The following PLEKHM3 variants were observed in gnomAD, a reference collection of about 807,000 sequenced individuals.
PLEKHM3 encodes the protein pleckstrin homology domain containing M3.
PLEKHM3 carries 45 observed loss-of-function variants against 81.8 expected under a neutral mutation model. The ratio of observed to expected loss-of-function variants is 0.55; its 90% CI spans 0.43 to 0.71. The LOEUF (loss-of-function observed/expected upper bound fraction) is 0.71. PLEKHM3 is among the 30% of genes least tolerant of loss of function. The probability of loss-of-function intolerance (pLI) is 0.00; values close to 1 mark genes in which losing one functional copy is unlikely to be tolerated. For synonymous variants in PLEKHM3, 352 were observed against 356.4 expected (o/e 0.99, Z 0.14); for missense variants, 788 against 924.3 (o/e 0.85, Z 1.91).
chr2:207,928,942 G>A (rs1046584468), intron 5 of PLEKHM3, among the ~76,000 whole-genome samples: 4 of 152,184 alleles, frequency 2.6e-5, no homozygotes, highest in Admixed American at 6.5e-5. Flanking sequence ...ATTGCGCTAA[G>A]TGAAAAATAG....
In PLEKHM3 at chr2:207,865,801, A is replaced by AAAAAT; in HGVS notation, c.1951-4540_1951-4539insATTTT. Among the ~76,000 whole-genome samples, 45 of 25,286 alleles carry AAAAAT rather than the reference A, an allele frequency of 1.8e-3. 14 individuals carry two copies. Among genetic ancestry groups the AAAAAT allele is most frequent in the South Asian group, 4.3e-3 (4 of 924 alleles). 16.6% of individuals were successfully genotyped at this position (25,286 alleles called of 152,430 possible). The stretch of plus-strand genomic sequence containing the variant: ...CGACTCAAAAAAAAAAAAAAAAAAA[A>AAAAAT]AGATATATATATATATATATATATA... On this transcript the variant is annotated intron_variant, in intron 6 of 7. Coordinates refer to ENST00000427836, the MANE Select transcript of PLEKHM3 (RefSeq NM_001080475.3).
chr2:207,897,144 G>A (rs764652568), intron 6 of PLEKHM3, among the ~76,000 whole-genome samples: 1 of 152,152 alleles, frequency 6.6e-6, no homozygotes, highest in Non-Finnish European at 1.5e-5. Context: ...AGGAAATGAA[G>A]CTATTCTGCA....
intron 2 of PLEKHM3, among the ~76,000 whole-genome samples, chr2:207,977,897 G>A (rs1691374744): frequency 6.6e-6 from 1 of 152,104 alleles, no homozygotes; most frequent in Non-Finnish European, 1.5e-5. Context: ...GACCAACCTA[G>A]GCAACATAGT....
At chr2:207,878,816 C>G (rs2092571769) in intron 6 of PLEKHM3, among the ~76,000 whole-genome samples, 1 of 152,064 alleles carries the variant, frequency 6.6e-6, no homozygotes, top group African/African-American at 2.4e-5. Flanking sequence ...CTTGCTAGAG[C>G]TGGGTTTTTT....
Position 207,876,913 on chromosome 2 carries a change from G to A in PLEKHM3, c.1951-15651C>T, listed in dbSNP as rs566391169. Among the ~76,000 whole-genome samples the A allele has an allele frequency of 6.2e-4, 94 of 152,210 alleles. 1 individual carries two copies. The highest frequency in any genetic ancestry group is 1.8e-3 in the African/African-American group (75 of 41,518). On this transcript the variant is annotated intron_variant, in intron 6 of 7. Coordinates refer to ENST00000427836, the MANE Select transcript of PLEKHM3 (RefSeq NM_001080475.3). Reference sequence around the variant, plus strand: ...CAGTAAAAGGAGGAGAAACAGTATTGGTATCAGATTTTTTTAGTCCATTCC... The same window carrying A: ...CAGTAAAAGGAGGAGAAACAGTATTAGTATCAGATTTTTTTAGTCCATTCC...
chr2:207,988,007 C>T (rs2106061563), intron 2 of PLEKHM3, among the ~76,000 whole-genome samples: 1 of 152,330 alleles, frequency 6.6e-6, no homozygotes, highest in Admixed American at 6.5e-5. Context: ...GATAGAAATG[C>T]TAACCCCAGC....
intron 7 of PLEKHM3, among the ~76,000 whole-genome samples, chr2:207,849,989 A>G (rs2092403977): frequency 6.6e-6 from 1 of 152,182 alleles, no homozygotes; most frequent in Non-Finnish European, 1.5e-5. Context: ...TGGCACTGGC[A>G]TCTGCTCAGC....
At chr2:207,982,787 C>T (rs1377104465) in intron 2 of PLEKHM3, among the ~76,000 whole-genome samples, 1 of 151,876 alleles carries the variant, frequency 6.6e-6, no homozygotes, top group Non-Finnish European at 1.5e-5. Flanking sequence ...CCATGTTGGC[C>T]AGGCTGGTGT....
rs1395749523 is a variant in PLEKHM3 at position 207,946,467 on chromosome 2, C to T, written c.1592G>A (p.Cys531Tyr). 1 of 1,614,008 alleles carries T rather than the reference C, an allele frequency of 6.2e-7. No homozygotes were observed. Among genetic ancestry groups the T allele is most frequent in the Non-Finnish European group, 8.5e-7 (1 of 1,180,010 alleles). Reference protein sequence around the residue: ...IGLSNGKAKVCNYSGWYYCSS... With the variant: ...IGLSNGKAKVYNYSGWYYCSS... ...GCAGTAATACCACCCACTGTAGTTG[C>T]ACACCTTGGCTTTCCCATTGGAAAG... Residue 531 changes from cysteine to tyrosine, a missense_variant, in exon 4 of 8, where the codon TGC becomes TAC. Coordinates refer to ENST00000427836, the MANE Select transcript of PLEKHM3 (RefSeq NM_001080475.3).
intron 3 of PLEKHM3, among the ~76,000 whole-genome samples, chr2:207,961,305 T>C (rs188871194): frequency 6.6e-6 from 1 of 152,250 alleles, no homozygotes; most frequent in African/African-American, 2.4e-5. Flanking sequence ...ACAAGTCTGC[T>C]GATTTAAAAG....
At chr2:207,917,580 C>G (rs993304965) in intron 5 of PLEKHM3, among the ~76,000 whole-genome samples, 1 of 152,100 alleles carries the variant, frequency 6.6e-6, no homozygotes, top group African/African-American at 2.4e-5. Context: ...GGGTGGCTCA[C>G]GCTTGTAATC....
chr2:207,908,232 G>A (rs1003095269), intron 6 of PLEKHM3, among the ~76,000 whole-genome samples: 2 of 152,092 alleles, frequency 1.3e-5, no homozygotes, highest in Admixed American at 6.6e-5. Context: ...GGGTCATATG[G>A]TAACTCTATG....
At chr2:207,895,157 G>T (rs79556847) in intron 6 of PLEKHM3, among the ~76,000 whole-genome samples, 1,656 of 152,282 alleles carry the variant, frequency 0.011, 29 homozygotes, top group African/African-American at 0.037. Context: ...ATAAACTGTT[G>T]CTGTCATCCT....
At chr2:207,923,548 G>A (rs1047368114) in intron 5 of PLEKHM3, among the ~76,000 whole-genome samples, 117 of 152,006 alleles carry the variant, frequency 7.7e-4, no homozygotes, top group African/African-American at 2.7e-3. Context: ...TGGAGGTTGC[G>A]GTGAGCCGAG....
At chr2:207,868,016 T>C (rs578084810) in intron 6 of PLEKHM3, among the ~76,000 whole-genome samples, 5 of 152,302 alleles carry the variant, frequency 3.3e-5, no homozygotes, top group African/African-American at 1.2e-4. Flanking sequence ...CAAAGTCAAA[T>C]GAGGCATCCT....
intron 2 of PLEKHM3, among the ~76,000 whole-genome samples, chr2:207,987,490 T>C (rs1691766868): frequency 6.6e-6 from 1 of 152,216 alleles, no homozygotes; most frequent in Admixed American, 6.5e-5. Context: ...TTGACTGCTA[T>C]TGACTTCCTG....
intron 7 of PLEKHM3, among the ~76,000 whole-genome samples, chr2:207,856,600 A>G (rs2092438812): frequency 6.6e-6 from 1 of 152,160 alleles, no homozygotes; most frequent in African/African-American, 2.4e-5. Flanking sequence ...CTCACTTGTG[A>G]TACACGTTTA....
chr2:207,971,200 G>GT (rs1330191860), intron 3 of PLEKHM3, among the ~76,000 whole-genome samples: 1 of 152,152 alleles, frequency 6.6e-6, no homozygotes, highest in Non-Finnish European at 1.5e-5. Flanking sequence ...CAATTGCAAG[G>GT]TTTCTTGATT....
intron 4 of PLEKHM3, among the ~76,000 whole-genome samples, chr2:207,932,938 G>C (rs1182821749): frequency 6.6e-6 from 1 of 152,088 alleles, no homozygotes; most frequent in African/African-American, 2.4e-5. Context: ...AATTCAATAT[G>C]ATCATTTTCT....
Sources: allele counts gnomAD v4.1 joint callset (sites outside exome capture counted in the v4.1 genomes callset), GRCh38; gene constraint gnomAD v4.1.1; transcripts MANE v1.5; gene names NCBI Gene and HGNC (gene_info 2026-07-23, HGNC 2026-07-21).